Variants in ESR1 observed in about 807,000 individuals in gnomAD.
ESR1 encodes estrogen receptor.
In ESR1, 12 loss-of-function variants were observed where a neutral mutation model predicts 52.7. The observed-to-expected ratio is 0.23, with a 90% CI of 0.15 to 0.37. ESR1 has a LOEUF of 0.37. Among genes scored for constraint, ESR1 ranks in the 10% least tolerant of loss-of-function variants. The probability of loss-of-function intolerance (pLI) is 1.00; values close to 1 mark genes in which losing one functional copy is unlikely to be tolerated. For synonymous variants in ESR1, 305 were observed against 316.8 expected, an observed-to-expected ratio of 0.96 and a Z score of 0.39; for missense variants, 584 against 779.7, an observed-to-expected ratio of 0.75 and a Z score of 2.99.
At chr6:152,114,699 G>T (rs556293362) in intron 6 of ESR1, among the ~76,000 whole-genome samples, 21 of 151,224 alleles carry the variant, frequency 1.4e-4, no homozygotes, top group Non-Finnish European at 2.2e-4. Context: ...AGACCATCCG[G>T]GCTAAAACGG....
chr6:151,779,824 C>A (rs919601286), intron 2 of ESR1, among the ~76,000 whole-genome samples: 1 of 127,830 alleles, frequency 7.8e-6, no homozygotes, highest in East Asian at 2.1e-4. Context: ...CGCGTGAACC[C>A]GGGAGGCGGA....
In ESR1 at chr6:151,866,560, G is replaced by A. The variant is rs562304315; in HGVS notation, c.644-14095G>A. ...TTCTCATTGTTCAGCTCCCACTTATGAGCGAGAACATGCAGTGTTTGGTTT... is the reference window on the plus strand; with the variant it reads ...TTCTCATTGTTCAGCTCCCACTTATAAGCGAGAACATGCAGTGTTTGGTTT... On this transcript the variant is annotated intron_variant, in intron 2 of 7. Transcript: ENST00000206249. Among the ~76,000 whole-genome samples, 39 of 151,780 alleles carry A rather than the reference G, an allele frequency of 2.6e-4. 1 individual carries two copies. The South Asian group carries it at 8.1e-3, about 32-fold the overall frequency.
At chr6:151,656,687 C>T (rs552618891), upstream of ESR1, 6 of 152,244 alleles carry the variant, frequency 3.9e-5, no homozygotes, top group South Asian at 2.1e-4. Context: ...GAGAAATAAT[C>T]GCAGAGCCTC....
intron 6 of ESR1, among the ~76,000 whole-genome samples, chr6:152,116,863 A>G (rs765791871): frequency 1.3e-5 from 2 of 152,206 alleles, no homozygotes; most frequent in Non-Finnish European, 2.9e-5. Context: ...ACTAGAGTTC[A>G]GAATAAAAAT....
At chr6:151,942,624 C>T (rs1030644350) in intron 3 of ESR1, among the ~76,000 whole-genome samples, 3 of 150,872 alleles carry the variant, frequency 2.0e-5, no homozygotes, top group African/African-American at 7.3e-5. Context: ...TTTGAAGTGT[C>T]ATTTAATATA....
At chr6:152,035,431 A>G (rs1384441540) in intron 5 of ESR1, among the ~76,000 whole-genome samples, 1 of 152,082 alleles carries the variant, frequency 6.6e-6, no homozygotes, top group Non-Finnish European at 1.5e-5. Context: ...AGACAGTAAT[A>G]TCATAAAACA....
chr6:151,778,117 G>C (rs149836566), intron 2 of ESR1, among the ~76,000 whole-genome samples: 1 of 152,102 alleles, frequency 6.6e-6, no homozygotes, highest in Admixed American at 6.5e-5. Context: ...GGAAAATCAC[G>C]ACAGTCCTTG....
chr6:152,106,365 C>T (rs1458090586), downstream of ESR1, among the ~76,000 whole-genome samples: 1 of 152,124 alleles, frequency 6.6e-6, no homozygotes, highest in Non-Finnish European at 1.5e-5. Context: ...CTCATTTCTT[C>T]CTGTGGATTT....
intron 2 of ESR1, among the ~76,000 whole-genome samples, chr6:151,748,341 TAGG>T (rs1354822449): frequency 6.6e-6 from 1 of 152,198 alleles, no homozygotes; most frequent in Non-Finnish European, 1.5e-5. Flanking sequence ...AGAACACATG[TAGG>T]AGTATACTAT....
intron 1 of ESR1, among the ~76,000 whole-genome samples, chr6:151,667,072 A>C (rs1195107937): frequency 6.6e-6 from 1 of 152,172 alleles, no homozygotes; most frequent in African/African-American, 2.4e-5. Context: ...AGAGTGAGAC[A>C]GACAGAAATT....
chr6:151,735,586 G>C (rs112805991), intron 2 of ESR1, among the ~76,000 whole-genome samples: 1 of 151,726 alleles, frequency 6.6e-6, no homozygotes, highest in Non-Finnish European at 1.5e-5. Context: ...CATTTCAATA[G>C]CTTTAGGGGT....
At chr6:151,701,529 CAA>C (rs57589542) in intron 1 of ESR1, among the ~76,000 whole-genome samples, 1 of 89,426 alleles carries the variant, frequency 1.1e-5, no homozygotes, top group Non-Finnish European at 2.1e-5. Flanking sequence ...CACTACATCT[CAA>C]AAAAAAAAAA....
chr6:151,803,894 C>G (rs1777516751), upstream of ESR1, among the ~76,000 whole-genome samples: 1 of 152,084 alleles, frequency 6.6e-6, no homozygotes, highest in South Asian at 2.1e-4. Context: ...AGAGGAACAC[C>G]ATGTTTGAGA....
intron 1 of ESR1, among the ~76,000 whole-genome samples, chr6:151,834,923 C>T (rs1161995335): frequency 2.0e-5 from 3 of 151,786 alleles, no homozygotes; most frequent in East Asian, 3.9e-4. Flanking sequence ...TTCCAGGTCA[C>T]GGAAGGACTT....
intron 4 of ESR1, among the ~76,000 whole-genome samples, chr6:151,946,386 A>T (rs1421143240): frequency 6.6e-6 from 1 of 152,216 alleles, no homozygotes; most frequent in Non-Finnish European, 1.5e-5. Flanking sequence ...CATTTTAAAC[A>T]ACTGGAATTA....
At chr6:151,680,402 C>T (rs1778413654) in intron 1 of ESR1, among the ~76,000 whole-genome samples, 1 of 152,020 alleles carries the variant, frequency 6.6e-6, no homozygotes, top group South Asian at 2.1e-4. Flanking sequence ...CGGGGTTTTG[C>T]CATGTTGGCC....
chr6:152,043,530 A>C (rs2045975172), intron 5 of ESR1, among the ~76,000 whole-genome samples: 2 of 152,178 alleles, frequency 1.3e-5, no homozygotes, highest in Admixed American at 1.3e-4. Flanking sequence ...CTAGTTCTAT[A>C]ACTATAAGCA....
At chr6:151,907,039 A>C (rs139265891) in intron 3 of ESR1, among the ~76,000 whole-genome samples, 203 of 152,072 alleles carry the variant, frequency 1.3e-3, no homozygotes, top group African/African-American at 4.3e-3. Flanking sequence ...AGCTACCTCC[A>C]TTAGGCATGA....
chr6:152,068,963 GA>G (rs1418214900), intron 6 of ESR1, among the ~76,000 whole-genome samples: 1 of 114,522 alleles, frequency 8.7e-6, no homozygotes, highest in Non-Finnish European at 1.7e-5. Flanking sequence ...GGGTTGTAAT[GA>G]AAGTAAGTAT....
Sources: gnomAD v4.1 joint callset for allele counts (sites outside exome capture counted in the v4.1 genomes callset) on GRCh38, gnomAD v4.1.1 for gene constraint, MANE v1.5 for transcripts, NCBI Gene and HGNC (gene_info 2026-07-23, HGNC 2026-07-21) for gene names.